The following KIAA0513 variants were observed in gnomAD, a reference collection of about 807,000 sequenced individuals.
The protein encoded by KIAA0513 is KIAA0513.
KIAA0513 carries 39 observed loss-of-function variants against 56.5 expected under a neutral mutation model. The ratio of observed to expected loss-of-function variants is 0.69; its 90% confidence interval spans 0.53 to 0.90. The LOEUF is 0.90. Among genes scored for constraint, KIAA0513 ranks in the 40% least tolerant of loss-of-function variants. The pLI is 0.00. For missense variants in KIAA0513, 591 were observed against 535.2 expected, an observed-to-expected ratio of 1.10 and a Z score of -1.03; for synonymous variants, 268 against 215.6, an observed-to-expected ratio of 1.24 and a Z score of -2.13.
chr16:85,029,192 C>G (rs751023899), intron 1 of KIAA0513, among the ~76,000 whole-genome samples: 2 of 152,042 alleles, frequency 1.3e-5, no homozygotes, highest in African/African-American at 2.4e-5. Flanking sequence ...GAAATTGGCT[C>G]GCAATGAAAA....
intron 1 of KIAA0513, among the ~76,000 whole-genome samples, chr16:85,039,920 C>T (rs780089234): frequency 1.3e-5 from 2 of 151,902 alleles, no homozygotes; most frequent in East Asian, 1.9e-4. Context: ...CTACACCCTC[C>T]GCCTCCCAGG....
At chr16:85,065,395 C>CT (rs2073465425) in intron 1 of KIAA0513, among the ~76,000 whole-genome samples, 1 of 152,246 alleles carries the variant, frequency 6.6e-6, no homozygotes. Context: ...TGGTGCTGTC[C>CT]TGGCCTGGAA....
rs189097759 is a variant in KIAA0513 at position 85,072,183 on chromosome 16, C to G, written c.429+301C>G. On this transcript the variant is annotated intron_variant, in intron 3 of 12. Coordinates refer to ENST00000683363, the MANE Select transcript of KIAA0513 (RefSeq NM_001388359.1). ...GCTTGGGCAACATAGTGAGGTCCCC[C>G]CTCCCCGCATCTCTAAAAATTAAAA... 1.9e-3 allele frequency among the ~76,000 whole-genome samples: 285 copies of G among 152,150 alleles called. 4 individuals are homozygous for G. The highest frequency in any genetic ancestry group is 1.5e-3 in the East Asian group (8 of 5,166).
chr16:85,035,978 CA>C (rs898368153), intron 1 of KIAA0513, among the ~76,000 whole-genome samples: 679 of 55,116 alleles, frequency 0.012, no homozygotes, highest in Middle Eastern at 0.021. Flanking sequence ...GACTCCGTCC[CA>C]AAAAAAAAAA....
rs1479739208 is a variant in KIAA0513, at chr16:85,081,110, C to T, written c.903-205C>T. On this transcript the variant is annotated intron_variant, in intron 8 of 12. Transcript: ENST00000683363. The surrounding 1 kb of genome is among the most constrained non-coding windows in gnomAD (Gnocchi z 4.4). Reference sequence around the variant, plus strand: ...CTTGCGCCATCTCTCCTAAGAGATACGCAGCCGCTGGGAGCCCCAGGGAAA... The same window carrying T: ...CTTGCGCCATCTCTCCTAAGAGATATGCAGCCGCTGGGAGCCCCAGGGAAA... Among the ~76,000 whole-genome samples, 16 of 152,334 alleles carry T rather than the reference C, an allele frequency of 1.1e-4. No individual in the cohort carries two copies. In the East Asian group the frequency reaches 2.5e-3, roughly 24 times the overall value.
At chr16:85,070,014 C>G (rs1003377212) in intron 2 of KIAA0513, among the ~76,000 whole-genome samples, 1 of 149,428 alleles carries the variant, frequency 6.7e-6, no homozygotes, top group African/African-American at 2.5e-5. Context: ...AAAAAAAAAC[C>G]ACAAAAATTA....
chr16:85,081,372 A>G lies in KIAA0513; in HGVS notation c.960A>G (p.Thr320=). 1.3e-6 allele frequency: 2 copies of G among 1,577,534 alleles called. No homozygotes were observed. The highest frequency in any genetic ancestry group is 1.7e-6 in the Non-Finnish European group (2 of 1,161,278). ...AFFDAVHCER[T]KRSPTTRGDA... Reference sequence around the variant, plus strand: ...TTGACGCTGTCCATTGTGAGAGGACAAAGCGATCTCCCACTACCAGGTAGG... The same window carrying G: ...TTGACGCTGTCCATTGTGAGAGGACGAAGCGATCTCCCACTACCAGGTAGG... Residue 320 remains threonine, a synonymous_variant, in exon 9 of 13, where the codon ACA becomes ACG. Transcript: ENST00000683363. This position sits in a 1 kb window ranked among gnomAD's most constrained non-coding sequence, Gnocchi z 4.4.
chr16:85,066,436 C>T (rs7186026), intron 1 of KIAA0513, among the ~76,000 whole-genome samples: 84,038 of 151,952 alleles, frequency 0.55, 25,372 homozygotes, highest in African/African-American at 0.8. Context: ...TCCGGGAATG[C>T]TTTTGACGAG....
rs1002871077 is a variant in KIAA0513 at position 85,076,466 on chromosome 16, C to T, written c.574+552C>T. Among the ~76,000 whole-genome samples the T allele has an allele frequency of 2.6e-5, 4 of 152,128 alleles. No individual in the cohort carries two copies. Among genetic ancestry groups the T allele is most frequent in the African/African-American group, 9.7e-5 (4 of 41,416 alleles). ...TATGTTGGAGCTCAAGGGCTTCCTGCGTGAGTCTCCTTGGGCTGCAGCAAC... is the reference window on the plus strand; with the variant it reads ...TATGTTGGAGCTCAAGGGCTTCCTGTGTGAGTCTCCTTGGGCTGCAGCAAC... On this transcript the variant is annotated intron_variant, in intron 5 of 12. Transcript: ENST00000683363. This position sits in a 1 kb window ranked among gnomAD's most constrained non-coding sequence, Gnocchi z 4.7.
At chr16:85,028,871 G>A (rs2143814966) in intron 1 of KIAA0513, among the ~76,000 whole-genome samples, 1 of 152,282 alleles carries the variant, frequency 6.6e-6, no homozygotes, top group South Asian at 2.1e-4. Flanking sequence ...CAGGCTGACA[G>A]CTGTCAGGAC....
intron 1 of KIAA0513, among the ~76,000 whole-genome samples, chr16:85,052,407 G>A (rs980541101): frequency 8.5e-5 from 13 of 152,154 alleles, no homozygotes; most frequent in African/African-American, 2.7e-4. Context: ...AGCTACTCGG[G>A]AGGCTGAGGC....
In KIAA0513 at chr16:85,091,264, C is replaced by T. The variant is rs189691275; in HGVS notation, c.*2939C>T. ...TTTGAAAACAGGACATGTTGACAGG[C>T]AGCATGGTATGTTTTTAGCCTTTGT... On this transcript the variant is annotated 3_prime_UTR_variant, in exon 13 of 13. Coordinates refer to ENST00000683363, the MANE Select transcript of KIAA0513 (RefSeq NM_001388359.1). The T allele has an allele frequency of 5.9e-5, 9 of 152,216 alleles. No individual in the cohort carries two copies. The highest frequency in any genetic ancestry group is 2.2e-4 in the African/African-American group (9 of 41,444). The allele number at this position is 152,216 out of a possible 1,614,324, so 9.4% of individuals were successfully genotyped here.
Position 85,081,093 on chromosome 16 carries a change from A to G in KIAA0513, c.903-222A>G, listed in dbSNP as rs1223609758. Among the ~76,000 whole-genome samples the G allele has an allele frequency of 5.3e-5, 8 of 152,220 alleles. No individual in the cohort carries two copies. Among genetic ancestry groups the G allele is most frequent in the Non-Finnish European group, 1.5e-5 (1 of 68,038 alleles). On this transcript the variant is annotated intron_variant, in intron 8 of 12. Coordinates refer to ENST00000683363, the MANE Select transcript of KIAA0513 (RefSeq NM_001388359.1). This position sits in a 1 kb window ranked among gnomAD's most constrained non-coding sequence, Gnocchi z 4.4. ...CATAGCTTTCCCTCCCACTTGCGCCATCTCTCCTAAGAGATACGCAGCCGC... is the reference window on the plus strand; with the variant it reads ...CATAGCTTTCCCTCCCACTTGCGCCGTCTCTCCTAAGAGATACGCAGCCGC...
chr16:85,085,172 C>T (rs575192768), intron 10 of KIAA0513, among the ~76,000 whole-genome samples: 5 of 152,170 alleles, frequency 3.3e-5, no homozygotes, highest in Non-Finnish European at 5.9e-5. Flanking sequence ...GTGGCTGTTT[C>T]GGGGAAAGAC....
Position 85,091,938 on chromosome 16 carries a change from A to AT in KIAA0513, c.*3635dup, listed in dbSNP as rs60578037. 611 of 129,358 alleles carry AT rather than the reference A, an allele frequency of 4.7e-3. 1 individual carries two copies. The highest frequency in any genetic ancestry group is 0.017 in the East Asian group (72 of 4,358). 8.0% of individuals were successfully genotyped at this position (129,358 alleles called of 1,614,324 possible). ...TTCCTGGGTCCCACTATCTGTTGGC[A>AT]TTTTTTTTTTTTTTTTTTTTTTAGA... On this transcript the variant is annotated 3_prime_UTR_variant, in exon 13 of 13. Coordinates refer to ENST00000683363, the MANE Select transcript of KIAA0513 (RefSeq NM_001388359.1).
At chr16:85,085,508 CAT>C (rs980103183) in intron 10 of KIAA0513, among the ~76,000 whole-genome samples, 7 of 152,266 alleles carry the variant, frequency 4.6e-5, no homozygotes, top group Admixed American at 4.6e-4. Context: ...TAGTCAGACT[CAT>C]CCATCCAGTT....
At chr16:85,070,187 A>AGAG (rs529462213) in intron 2 of KIAA0513, among the ~76,000 whole-genome samples, 1 of 147,504 alleles carries the variant, frequency 6.8e-6, no homozygotes, top group Admixed American at 6.9e-5. Flanking sequence ...AAAAAAAGAA[A>AGAG]AAAGAAAGAA....
At chr16:85,068,374 C>G (rs1452351467) in intron 2 of KIAA0513, among the ~76,000 whole-genome samples, 1 of 150,560 alleles carries the variant, frequency 6.6e-6, no homozygotes, top group East Asian at 2.0e-4. Context: ...GCTCTGTGGC[C>G]CAGGCTGGAA....
chr16:85,051,610 ACT>A (rs899072669), intron 1 of KIAA0513, among the ~76,000 whole-genome samples: 3 of 151,670 alleles, frequency 2.0e-5, no homozygotes, highest in African/African-American at 7.3e-5. Context: ...ATAGAATCAT[ACT>A]CTCTACTTCC....
Sources: allele counts gnomAD v4.1 joint callset (sites outside exome capture counted in the v4.1 genomes callset), GRCh38; gene constraint gnomAD v4.1.1; non-coding constraint Gnocchi (gnomAD v3.1); transcripts MANE v1.5; gene names NCBI Gene and HGNC (gene_info 2026-07-23, HGNC 2026-07-21).